IL1RAPL2: variants seen among roughly 807,000 people sequenced by gnomAD.
IL1RAPL2 encodes the protein X-linked interleukin-1 receptor accessory protein-like 2.
Under a neutral mutation model 44.1 loss-of-function variants are expected in IL1RAPL2, and 3 were observed. The observed-to-expected ratio is 0.07, with a 90% CI of 0.03 to 0.18. The LOEUF (loss-of-function observed/expected upper bound fraction) is 0.18, where lower values mean the gene tolerates loss of function less well. Ranked by LOEUF, IL1RAPL2 falls within the 10% of genes least tolerant of loss-of-function variation. The pLI, the probability that IL1RAPL2 is intolerant of heterozygous loss-of-function variation, is 1.00. For missense variants in IL1RAPL2, 391 were observed against 496.4 expected (o/e 0.79, Z 2.02); for synonymous variants, 181 against 178.8 (o/e 1.01, Z -0.10).
intron 2 of IL1RAPL2, among the ~76,000 whole-genome samples, chrX:104,761,839 TCTCCTTCTTCTCCTTCTC>T (rs1932437409): frequency 4.5e-5 from 3 of 67,110 alleles, no homozygotes; most frequent in African/African-American, 2.2e-4. Flanking sequence ...TTCTTCTCCT[TCTCCTTCTTCTCCTTCTC>T]CTTCTCCTTC....
At chrX:105,194,663 G>T in intron 2 of IL1RAPL2, among the ~76,000 whole-genome samples, 1 of 111,730 alleles carries the variant, frequency 9.0e-6, no homozygotes, top group Non-Finnish European at 1.9e-5. Context: ...AGGGTATAAA[G>T]AGAAATTGAC....
chrX:104,936,013 T>G (rs1373752163), intron 2 of IL1RAPL2, among the ~76,000 whole-genome samples: 2 of 112,219 alleles, frequency 1.8e-5, no homozygotes, highest in Admixed American at 1.9e-4. Context: ...ATGAGCTGCC[T>G]TAACCTCTGT....
chrX:105,316,800 T>A (rs2034844891), intron 5 of IL1RAPL2, among the ~76,000 whole-genome samples: 1 of 111,995 alleles, frequency 8.9e-6, no homozygotes. Context: ...CCTTCTACCA[T>A]TCAGTGCCTC....
intron 6 of IL1RAPL2, among the ~76,000 whole-genome samples, chrX:105,677,102 A>G (rs946363860): frequency 4.5e-5 from 5 of 112,083 alleles, no homozygotes; most frequent in Non-Finnish European, 9.4e-5. Flanking sequence ...TACATTTAAA[A>G]GACATGTTAC....
At chrX:104,960,474 G>C (rs1320365625) in intron 2 of IL1RAPL2, among the ~76,000 whole-genome samples, 1 of 111,710 alleles carries the variant, frequency 9.0e-6, no homozygotes, top group Admixed American at 9.5e-5. Flanking sequence ...CCTTGGGTGT[G>C]TAGGTATGGG....
At chrX:105,289,744 C>T (rs1045036392) in intron 5 of IL1RAPL2, among the ~76,000 whole-genome samples, 5 of 110,969 alleles carry the variant, frequency 4.5e-5, no homozygotes, top group Non-Finnish European at 9.4e-5. Context: ...GTTGGATGGG[C>T]AGTTGGATAT....
intron 5 of IL1RAPL2, among the ~76,000 whole-genome samples, chrX:105,308,262 A>G (rs1018462243): frequency 8.9e-6 from 1 of 111,984 alleles, no homozygotes; most frequent in Admixed American, 9.5e-5. Context: ...AGACTAAAAT[A>G]TGCAGAAACC....
At chrX:105,615,238 A>G (rs1407777366) in intron 6 of IL1RAPL2, among the ~76,000 whole-genome samples, 1 of 110,807 alleles carries the variant, frequency 9.0e-6, no homozygotes, top group Non-Finnish European at 1.9e-5. Context: ...GTGGGAATGT[A>G]CATTAGTACA....
intron 5 of IL1RAPL2, among the ~76,000 whole-genome samples, chrX:105,355,863 G>A (rs370411522): frequency 8.2e-5 from 9 of 110,313 alleles, no homozygotes; most frequent in East Asian, 5.7e-4. Context: ...TTACAGGGTC[G>A]CGGGTAAGAA....
At chrX:104,989,533 A>G (rs2030622393) in intron 2 of IL1RAPL2, among the ~76,000 whole-genome samples, 1 of 111,953 alleles carries the variant, frequency 8.9e-6, no homozygotes, top group South Asian at 3.7e-4. Flanking sequence ...ACATCTTCTC[A>G]AAGGACAGCT....
chrX:105,760,095 G>A lies in IL1RAPL2; in HGVS notation c.1363+4748G>A, dbSNP rs148024298. On this transcript the variant is annotated intron_variant, in intron 10 of 10. Coordinates refer to ENST00000372582, the MANE Select transcript of IL1RAPL2 (RefSeq NM_017416.2). ...GTTAAAGTCAAGAGAGAAAAAAACT[G>A]TACTTCAATATGTCCAGCAATGTAC... Among the ~76,000 whole-genome samples the A allele has an allele frequency of 4.5e-5, 5 of 111,629 alleles. No homozygotes were observed. In the East Asian group the frequency reaches 1.4e-3, roughly 32 times the overall value.
intron 2 of IL1RAPL2, among the ~76,000 whole-genome samples, chrX:104,849,151 T>C (rs950456124): frequency 9.3e-6 from 1 of 107,701 alleles, no homozygotes; most frequent in East Asian, 2.9e-4. Flanking sequence ...CACCTCAGAC[T>C]CCTGAGTAGC....
At chrX:105,090,476 A>G (rs1292575134) in intron 2 of IL1RAPL2, among the ~76,000 whole-genome samples, 1 of 112,126 alleles carries the variant, frequency 8.9e-6, no homozygotes, top group Non-Finnish European at 1.9e-5. Context: ...TCCTGGTCCA[A>G]TCACTTGTGG....
rs1020214164 is a variant in IL1RAPL2, at chrX:105,055,638, T to C, written c.83-139837T>C. Among the ~76,000 whole-genome samples, 3 of 112,304 alleles carry C rather than the reference T, an allele frequency of 2.7e-5. 1 individual carries two copies. The highest frequency in any genetic ancestry group is 8.3e-3 in the Middle Eastern group (2 of 240). On this transcript the variant is annotated intron_variant, in intron 2 of 10. Coordinates refer to ENST00000372582, the MANE Select transcript of IL1RAPL2 (RefSeq NM_017416.2). ...CCATTGGCTATTTTATGATTTAATA[T>C]TTAAATTGAAATCTAAAAAGTGAGT...
intron 7 of IL1RAPL2, among the ~76,000 whole-genome samples, chrX:105,725,178 G>A (rs1227823147): frequency 9.0e-6 from 1 of 111,571 alleles, no homozygotes; most frequent in African/African-American, 3.3e-5. Context: ...CCAACAGAGA[G>A]TCATTTTCAA....
chrX:105,417,483 T>C (rs1347927118), intron 5 of IL1RAPL2, among the ~76,000 whole-genome samples: 1 of 112,702 alleles, frequency 8.9e-6, no homozygotes, highest in Non-Finnish European at 1.9e-5. Flanking sequence ...AAAAAATAAA[T>C]TATGTGATTT....
intron 5 of IL1RAPL2, among the ~76,000 whole-genome samples, chrX:105,419,877 G>A (rs2035761702): frequency 9.0e-6 from 1 of 111,633 alleles, no homozygotes; most frequent in African/African-American, 3.3e-5. Flanking sequence ...TTTGTAGACT[G>A]TAAATTGAAT....
intron 2 of IL1RAPL2, among the ~76,000 whole-genome samples, chrX:105,075,289 A>G (rs1379718552): frequency 3.6e-5 from 4 of 111,716 alleles, no homozygotes; most frequent in Non-Finnish European, 7.5e-5. Flanking sequence ...TTCTGCATCT[A>G]TTGAGATAAT....
chrX:105,196,784 G>A (rs1556141711), intron 3 of IL1RAPL2, among the ~76,000 whole-genome samples: 1 of 111,503 alleles, frequency 9.0e-6, no homozygotes, highest in African/African-American at 3.3e-5. Flanking sequence ...GACTGGATTA[G>A]GTATTGAAGT....
Sources: allele counts gnomAD v4.1 joint callset (sites outside exome capture counted in the v4.1 genomes callset), GRCh38; gene constraint gnomAD v4.1.1; transcripts MANE v1.5; gene names NCBI Gene and HGNC (gene_info 2026-07-23, HGNC 2026-07-21).